PKHD1: variants seen among roughly 807,000 people sequenced by gnomAD.
The protein encoded by PKHD1 is fibrocystin.
Under a neutral mutation model 412.0 loss-of-function variants are expected in PKHD1, and 291 were observed. The observed-to-expected ratio is 0.71, with a 90% CI of 0.64 to 0.78. PKHD1 has a LOEUF of 0.78. PKHD1 is among the 30% of genes least tolerant of loss of function. The probability of loss-of-function intolerance (pLI) is 0.00; values close to 1 mark genes in which losing one functional copy is unlikely to be tolerated. For synonymous variants in PKHD1, 1,777 were observed against 1,821.5 expected, an observed-to-expected ratio of 0.98 and a Z score of 0.62; for missense variants, 4,825 against 4,950.7, an observed-to-expected ratio of 0.97 and a Z score of 0.76.
chr6:52,079,865 A>AT, intron 5 of PKHD1, 35 bp downstream of exon 5: 1 of 1,159,758 alleles, frequency 8.6e-7, no homozygotes, highest in Non-Finnish European at 1.3e-6. Context: ...CCCTTAGACT[A>AT]TGTAAACATA....
chr6:51,987,289 T>A (rs1796338420), intron 35 of PKHD1, among the ~76,000 whole-genome samples: 1 of 152,186 alleles, frequency 6.6e-6, no homozygotes, highest in South Asian at 2.1e-4. Context: ...GCTGAAGGTA[T>A]GAGGCTGGGA....
intron 52 of PKHD1, among the ~76,000 whole-genome samples, chr6:51,807,565 CTT>C (rs1401209833): frequency 7.1e-6 from 1 of 140,252 alleles, no homozygotes; most frequent in Admixed American, 7.2e-5. Context: ...ACTTAAAAAA[CTT>C]TATTACCTTA....
At chr6:51,894,009 T>C (rs1473148110) in intron 43 of PKHD1, among the ~76,000 whole-genome samples, 1 of 152,234 alleles carries the variant, frequency 6.6e-6, no homozygotes, top group East Asian at 1.9e-4. Flanking sequence ...CTCTGAGCTC[T>C]GGAAGTGAAC....
At chr6:51,769,633 CATTG>C (rs1278781042) in intron 55 of PKHD1, among the ~76,000 whole-genome samples, 2 of 151,390 alleles carry the variant, frequency 1.3e-5, no homozygotes, top group African/African-American at 4.8e-5. Context: ...CTTTTTCTTG[CATTG>C]ATTGAGTTCA....
rs751209563 is a variant in PKHD1 at position 51,912,535 on chromosome 6, C to A, written c.6163G>T (p.Ala2055Ser). The A allele has an allele frequency of 5.6e-6, 9 of 1,613,176 alleles. No individual in the cohort carries two copies. Among genetic ancestry groups the A allele is most frequent in the Non-Finnish European group, 7.6e-6 (9 of 1,179,366 alleles). ...GCCAGCACTGTGTCTAGGGCATGGG[C>A]AGTTGCTCTAAGACAGGTGACAATT... ...EVIVTCLRAT[A>S]HALDTVLALE... Residue 2055 changes from alanine (A) to serine (S), a missense_variant, in exon 38 of 67, where the codon GCC becomes TCC. By Grantham distance (99) the Ala-to-Ser change is moderately conservative. Transcript: ENST00000371117.
chr6:51,971,697 G>GT (rs970369082), intron 35 of PKHD1, among the ~76,000 whole-genome samples: 1 of 137,128 alleles, frequency 7.3e-6, no homozygotes, highest in Non-Finnish European at 1.6e-5. Flanking sequence ...TTTTGGGTTG[G>GT]TTTTTTTTGC....
At chr6:51,996,904 C>T (rs769019467) in intron 35 of PKHD1, among the ~76,000 whole-genome samples, 6 of 152,202 alleles carry the variant, frequency 3.9e-5, no homozygotes, top group Non-Finnish European at 8.8e-5. Flanking sequence ...TTCCAGGCAT[C>T]ACTGCTACCA....
intron 63 of PKHD1, among the ~76,000 whole-genome samples, chr6:51,641,833 G>A (rs984919025): frequency 6.6e-6 from 1 of 152,126 alleles, no homozygotes; most frequent in African/African-American, 2.4e-5. Flanking sequence ...AGGAGAAGTG[G>A]GAGTTGAACA....
At chr6:51,861,845 T>C (rs1426723406) in intron 48 of PKHD1, among the ~76,000 whole-genome samples, 1 of 152,238 alleles carries the variant, frequency 6.6e-6, no homozygotes, top group African/African-American at 2.4e-5. Context: ...TTTTTGCCCA[T>C]TCTATCTTAA....
chr6:51,752,370 T>A (rs1483319349), intron 57 of PKHD1, among the ~76,000 whole-genome samples: 2 of 152,144 alleles, frequency 1.3e-5, no homozygotes, highest in African/African-American at 4.8e-5. Context: ...TATTGCCAAA[T>A]ATCACCTGGG....
intron 36 of PKHD1, among the ~76,000 whole-genome samples, chr6:51,950,935 T>A (rs1437258189): frequency 2.6e-5 from 4 of 152,192 alleles, no homozygotes; most frequent in Admixed American, 6.5e-5. Context: ...TAGTGAATTG[T>A]CCCACTTTAG....
chr6:51,937,307 C>T (rs1326199817), intron 36 of PKHD1, among the ~76,000 whole-genome samples: 2 of 152,188 alleles, frequency 1.3e-5, no homozygotes, highest in Non-Finnish European at 2.9e-5. Context: ...TTACCTCTCC[C>T]TAAAACATAT....
chr6:51,983,526 C>G (rs1795839202), intron 35 of PKHD1, among the ~76,000 whole-genome samples: 1 of 152,180 alleles, frequency 6.6e-6, no homozygotes, highest in African/African-American at 2.4e-5. Flanking sequence ...AGGCCTATTT[C>G]CCAAGAGGGG....
intron 60 of PKHD1, among the ~76,000 whole-genome samples, chr6:51,681,256 G>A (rs910327544): frequency 2.0e-5 from 3 of 152,002 alleles, no homozygotes; most frequent in African/African-American, 7.2e-5. Flanking sequence ...CTTCTAGGAT[G>A]TATTTCCTAA....
intron 52 of PKHD1, among the ~76,000 whole-genome samples, chr6:51,824,884 T>C (rs1224913566): frequency 1.3e-5 from 2 of 152,168 alleles, no homozygotes; most frequent in Non-Finnish European, 2.9e-5. Context: ...CAATTCCAAA[T>C]TGGGGGCCCA....
intron 52 of PKHD1, among the ~76,000 whole-genome samples, chr6:51,809,216 G>C (rs1248771263): frequency 6.6e-6 from 1 of 152,002 alleles, no homozygotes; most frequent in East Asian, 1.9e-4. Flanking sequence ...TTTAATATAA[G>C]ACTCTAGTTC....
chr6:51,899,986 A>G (rs1368039425), intron 43 of PKHD1, among the ~76,000 whole-genome samples: 1 of 152,204 alleles, frequency 6.6e-6, no homozygotes. Context: ...CTTCAAGGAG[A>G]ACTACAAACC....
At chr6:51,884,033 A>T (rs1269538082) in intron 45 of PKHD1, among the ~76,000 whole-genome samples, 1 of 152,136 alleles carries the variant, frequency 6.6e-6, no homozygotes, top group Admixed American at 6.5e-5. Context: ...GTTTATTATA[A>T]TTTTCCCAAA....
chr6:51,894,951 T>C (rs570985573), intron 43 of PKHD1, among the ~76,000 whole-genome samples: 18 of 152,336 alleles, frequency 1.2e-4, no homozygotes, highest in Admixed American at 2.6e-4. Flanking sequence ...AAGTTTAAAA[T>C]AACAACAAAG....
Sources: gnomAD v4.1 joint callset for allele counts (sites outside exome capture counted in the v4.1 genomes callset) on GRCh38, gnomAD v4.1.1 for gene constraint, MANE v1.5 for transcripts, NCBI Gene and HGNC (gene_info 2026-07-23, HGNC 2026-07-21) for gene names.